The following GALNT13 variants were observed in gnomAD, a reference collection of about 807,000 sequenced individuals.
GALNT13 encodes the protein UDP-GalNAc:polypeptide N-acetylgalactosaminyltransferase 13.
Under a neutral mutation model 64.2 loss-of-function variants are expected in GALNT13, and 28 were observed. That is an observed-to-expected ratio of 0.44 (90% CI 0.32 to 0.60). The LOEUF (loss-of-function observed/expected upper bound fraction) is 0.60. GALNT13 is among the 20% of genes least tolerant of loss of function. The pLI is 0.05. For missense variants in GALNT13, 577 were observed against 669.8 expected (o/e 0.86, Z 1.53); for synonymous variants, 214 against 224.6 (o/e 0.95, Z 0.42).
At chr2:153,696,825 C>A in the GALNT13 span, among the ~76,000 whole-genome samples, 1 of 152,102 alleles carries the variant, frequency 6.6e-6, no homozygotes, top group Non-Finnish European at 1.5e-5. Context: ...CTTTTTCTTT[C>A]TGGGAAACGC....
the GALNT13 span, among the ~76,000 whole-genome samples, chr2:153,711,310 A>G: frequency 6.6e-6 from 1 of 152,162 alleles, no homozygotes; most frequent in Admixed American, 6.6e-5. Context: ...TCTGGCCTCA[A>G]GTTAGAACTT....
At chr2:154,050,766 A>G (rs138293190) in intron 3 of GALNT13, among the ~76,000 whole-genome samples, 1 of 152,304 alleles carries the variant, frequency 6.6e-6, no homozygotes, top group African/African-American at 2.4e-5. Flanking sequence ...TTAATGCTGA[A>G]TATTTTATTA....
Position 154,018,801 on chromosome 2 carries a change from G to A in GALNT13, c.142+74162G>A, listed in dbSNP as rs115728188. 3.3e-3 allele frequency among the ~76,000 whole-genome samples: 506 copies of A among 151,526 alleles called. 1 individual carries two copies. Among genetic ancestry groups the A allele is most frequent in the Middle Eastern group, 0.01 (3 of 292 alleles). On this transcript the variant is annotated intron_variant, in intron 3 of 12. Coordinates refer to ENST00000392825, the MANE Select transcript of GALNT13 (RefSeq NM_052917.4). ...AGGAGAAGAGAAGAGGGAGAGGGAC[G>A]GGGATGAAGGAGAGTGAGATGGAAG...
chr2:153,660,691 TA>T, the GALNT13 span, among the ~76,000 whole-genome samples: 1 of 151,950 alleles, frequency 6.6e-6, no homozygotes, highest in Non-Finnish European at 1.5e-5. Context: ...CTGCTACAGT[TA>T]AACCACTGTA....
chr2:154,152,574 A>G (rs200907133), intron 4 of GALNT13, among the ~76,000 whole-genome samples: 19,404 of 151,458 alleles, frequency 0.13, 1,380 homozygotes, highest in South Asian at 0.21. Flanking sequence ...ACACCAATCA[A>G]ACGTAGGTTT....
At chr2:153,931,649 A>G (rs551690469) in intron 2 of GALNT13, among the ~76,000 whole-genome samples, 27 of 152,264 alleles carry the variant, frequency 1.8e-4, no homozygotes, top group African/African-American at 6.3e-4. Flanking sequence ...GCTGAAGCAC[A>G]TTTATTGATT....
the GALNT13 span, among the ~76,000 whole-genome samples, chr2:153,167,294 T>C: frequency 6.6e-6 from 1 of 152,216 alleles, no homozygotes; most frequent in East Asian, 1.9e-4. Flanking sequence ...CCATCTGATT[T>C]TCTTTGGCCC....
chr2:154,454,487 AC>A (rs1367253638), downstream of GALNT13: 2 of 152,046 alleles, frequency 1.3e-5, no homozygotes, highest in Non-Finnish European at 2.9e-5. Flanking sequence ...ACATGACGAA[AC>A]CCTGTCTCTA....
At chr2:154,183,967 C>T (rs926162171) in intron 4 of GALNT13, among the ~76,000 whole-genome samples, 1 of 151,916 alleles carries the variant, frequency 6.6e-6, no homozygotes, top group Non-Finnish European at 1.5e-5. Flanking sequence ...TTGTTATAGA[C>T]TCCACAGGGT....
chr2:154,365,906 A>G (rs1208750484), intron 9 of GALNT13, among the ~76,000 whole-genome samples: 1 of 152,172 alleles, frequency 6.6e-6, no homozygotes, highest in Non-Finnish European at 1.5e-5. Flanking sequence ...CTGACCCAAT[A>G]TCAGCCTGGT....
chr2:154,169,185 C>T (rs902029799), intron 4 of GALNT13, among the ~76,000 whole-genome samples: 1 of 152,094 alleles, frequency 6.6e-6, no homozygotes, highest in Non-Finnish European at 1.5e-5. Context: ...CCCATTAGGC[C>T]TACCTCCAAC....
the GALNT13 span, among the ~76,000 whole-genome samples, chr2:153,563,389 TATC>T: frequency 6.6e-6 from 1 of 152,146 alleles, no homozygotes; most frequent in Non-Finnish European, 1.5e-5. Context: ...ACTTCTAATT[TATC>T]ATCAGATTTT....
At chr2:154,361,395 A>G (rs953474355) in intron 9 of GALNT13, among the ~76,000 whole-genome samples, 17 of 152,204 alleles carry the variant, frequency 1.1e-4, no homozygotes, top group African/African-American at 3.6e-4. Flanking sequence ...ATGTAACTAG[A>G]CGGTCTATAA....
chr2:154,079,199 C>T (rs1412935318), intron 3 of GALNT13, among the ~76,000 whole-genome samples: 1 of 151,328 alleles, frequency 6.6e-6, no homozygotes, highest in Non-Finnish European at 1.5e-5. Context: ...TAAAGAAATA[C>T]ATGGTAACAA....
intron 4 of GALNT13, among the ~76,000 whole-genome samples, chr2:154,146,276 A>T (rs1683596737): frequency 1.3e-5 from 2 of 152,048 alleles, no homozygotes; most frequent in South Asian, 4.1e-4. Flanking sequence ...CCTTTCAAAT[A>T]AGAAAGTAGA....
At chr2:153,198,256 C>T in the GALNT13 span, among the ~76,000 whole-genome samples, 1 of 152,132 alleles carries the variant, frequency 6.6e-6, no homozygotes, top group Non-Finnish European at 1.5e-5. Flanking sequence ...ACTCTGAAGC[C>T]AGTGCTCTTA....
chr2:153,581,050 A>G, the GALNT13 span, among the ~76,000 whole-genome samples: 1 of 152,120 alleles, frequency 6.6e-6, no homozygotes, highest in South Asian at 2.1e-4. Flanking sequence ...AGTGCTCAAC[A>G]TATTGTGTTA....
the GALNT13 span, among the ~76,000 whole-genome samples, chr2:153,400,238 C>T: frequency 5.1e-4 from 77 of 151,522 alleles, 1 homozygote; most frequent in East Asian, 0.012. Context: ...TATTGATTTG[C>T]GTATATTGAA....
chr2:153,649,952 G>C, the GALNT13 span, among the ~76,000 whole-genome samples: 1 of 152,140 alleles, frequency 6.6e-6, no homozygotes, highest in African/African-American at 2.4e-5. Flanking sequence ...TTGATTTGGG[G>C]TGCAGAGTCT....
Sources: gnomAD v4.1 joint callset for allele counts (sites outside exome capture counted in the v4.1 genomes callset) on GRCh38, gnomAD v4.1.1 for gene constraint, MANE v1.5 for transcripts, NCBI Gene and HGNC (gene_info 2026-07-23, HGNC 2026-07-21) for gene names.